Variants in ADTRP observed in about 807,000 individuals in gnomAD.
ADTRP encodes the protein androgen dependent TFPI regulating protein, also known as androgen-dependent TFPI-regulating protein.
A neutral mutation model predicts 27.0 loss-of-function variants in ADTRP; 20 were observed. The ratio of observed to expected loss-of-function variants is 0.74; its 90% CI spans 0.52 to 1.08. ADTRP has a LOEUF of 1.08. ADTRP is among the 50% of genes least tolerant of loss of function. The pLI, the probability that ADTRP is intolerant of heterozygous loss-of-function variation, is 0.00. For missense variants in ADTRP, 251 were observed against 275.0 expected (o/e 0.91, Z 0.62); for synonymous variants, 101 against 105.2 (o/e 0.96, Z 0.25).
At chr6:11,738,187 G>C (rs1246268956) in intron 3 of ADTRP, among the ~76,000 whole-genome samples, 1 of 152,198 alleles carries the variant, frequency 6.6e-6, no homozygotes, top group Non-Finnish European at 1.5e-5. Context: ...GGTGGGCCCA[G>C]GGTGGGGTGC....
intron 3 of ADTRP, among the ~76,000 whole-genome samples, chr6:11,739,129 C>T (rs1762635275): frequency 2.0e-5 from 3 of 151,988 alleles, no homozygotes; most frequent in African/African-American, 4.8e-5. Flanking sequence ...CTGCGATTGA[C>T]ACAAATTAGA....
intron 1 of ADTRP, among the ~76,000 whole-genome samples, chr6:11,776,679 T>C (rs150957450): frequency 1.4e-4 from 21 of 152,192 alleles, no homozygotes; most frequent in African/African-American, 4.6e-4. Context: ...CTTCTAAGGA[T>C]AGAGAGAACA....
chr6:11,752,492 G>A (rs1763090113), intron 3 of ADTRP, among the ~76,000 whole-genome samples: 1 of 152,132 alleles, frequency 6.6e-6, no homozygotes, highest in South Asian at 2.1e-4. Flanking sequence ...AGGGTTTCAA[G>A]GCTTAGGAAG....
intron 3 of ADTRP, among the ~76,000 whole-genome samples, chr6:11,756,363 T>A (rs1407840907): frequency 6.6e-6 from 1 of 152,070 alleles, no homozygotes; most frequent in Non-Finnish European, 1.5e-5. Flanking sequence ...AATAATTTAA[T>A]GGTACAAGGG....
intron 3 of ADTRP, among the ~76,000 whole-genome samples, chr6:11,743,813 C>T (rs1430219854): frequency 6.6e-6 from 1 of 152,192 alleles, no homozygotes; most frequent in Non-Finnish European, 1.5e-5. Context: ...CCAACCCAGA[C>T]TTGCTTCACT....
At chr6:11,764,745 CA>C (rs1335964726) in intron 3 of ADTRP, among the ~76,000 whole-genome samples, 2 of 152,044 alleles carry the variant, frequency 1.3e-5, no homozygotes, top group African/African-American at 4.8e-5. Flanking sequence ...TGGCCTCAGG[CA>C]CATCACTTAT....
chr6:11,762,878 A>T (rs931805501), intron 3 of ADTRP, among the ~76,000 whole-genome samples: 1 of 152,196 alleles, frequency 6.6e-6, no homozygotes, highest in African/African-American at 2.4e-5. Flanking sequence ...AGGATCTGAT[A>T]ATTTTCTCAG....
At chr6:11,770,176 C>T in intron 1 of ADTRP, 1 of 1,227,404 alleles carries the variant, frequency 8.1e-7, no homozygotes, top group Non-Finnish European at 1.2e-6. Context: ...CAATTATCTC[C>T]AGGTGGGAGA....
intron 3 of ADTRP, among the ~76,000 whole-genome samples, chr6:11,742,042 GGTACCTACAATCACTTAGC>G (rs1321225928): frequency 6.6e-6 from 1 of 151,710 alleles, no homozygotes; most frequent in Non-Finnish European, 1.5e-5. Context: ...TCCCTATTTT[GGTACCTACAATCACTTAGC>G]TTTTCCCTAT....
chr6:11,758,141 T>C (rs1245789593), intron 3 of ADTRP, among the ~76,000 whole-genome samples: 1 of 152,234 alleles, frequency 6.6e-6, no homozygotes, highest in Non-Finnish European at 1.5e-5. Context: ...TTTAGAAGTA[T>C]GCTCATGGCA....
At chr6:11,776,810 C>A (rs1317882088) in intron 1 of ADTRP, among the ~76,000 whole-genome samples, 1 of 152,158 alleles carries the variant, frequency 6.6e-6, no homozygotes, top group African/African-American at 2.4e-5. Context: ...GGCAGGTGAG[C>A]TCTTGAATCG....
chr6:11,717,413 A>C, intron 5 of ADTRP: 1 of 1,304,180 alleles, frequency 7.7e-7, no homozygotes, highest in Non-Finnish European at 1.0e-6. Flanking sequence ...TCTGAACAGA[A>C]ACTGCAGGCA....
At chr6:11,764,138 G>A (rs1763477146) in intron 3 of ADTRP, among the ~76,000 whole-genome samples, 1 of 152,198 alleles carries the variant, frequency 6.6e-6, no homozygotes, top group Non-Finnish European at 1.5e-5. Context: ...CAGCTTGTGA[G>A]GCACAAAAAT....
At chr6:11,771,613 G>A (rs1342947074) in intron 1 of ADTRP, among the ~76,000 whole-genome samples, 2 of 152,186 alleles carry the variant, frequency 1.3e-5, no homozygotes, top group Admixed American at 1.3e-4. Context: ...CAGACGGAGC[G>A]ATCAGGGGAG....
rs1581370770 is a variant in ADTRP, at chr6:11,770,202, A to G, written c.154-1819T>C. The G allele has an allele frequency of 2.5e-5, 23 of 918,504 alleles. 1 individual carries two copies. The East Asian group carries it at 6.0e-4, about 24-fold the overall frequency. 56.9% of individuals were successfully genotyped at this position (918,504 alleles called of 1,614,324 possible). A position where few individuals can be genotyped will look rare whatever the true frequency, so the allele number is the denominator to read the frequency against. ...AGGTGGGAGAATGAACGACCACTTCACAAACCACCGCTGCCTGGTTCCCAC... is the reference window on the plus strand; with the variant it reads ...AGGTGGGAGAATGAACGACCACTTCGCAAACCACCGCTGCCTGGTTCCCAC... On this transcript the variant is annotated intron_variant, in intron 1 of 5. Coordinates refer to ENST00000414691, the MANE Select transcript of ADTRP (RefSeq NM_032744.4).
intron 3 of ADTRP, chr6:11,738,462 C>G (rs1367282752): frequency 6.6e-6 from 1 of 152,330 alleles, no homozygotes; most frequent in Admixed American, 6.5e-5. Context: ...ACCTGCCCCT[C>G]TCTCCCAGCC....
chr6:11,777,003 T>A (rs1763976416), intron 1 of ADTRP, among the ~76,000 whole-genome samples: 1 of 152,178 alleles, frequency 6.6e-6, no homozygotes, highest in Non-Finnish European at 1.5e-5. Flanking sequence ...GATGATATGG[T>A]CATCCAGGTA....
intron 3 of ADTRP, among the ~76,000 whole-genome samples, chr6:11,758,306 G>T (rs1763278025): frequency 6.6e-6 from 1 of 152,104 alleles, no homozygotes. Context: ...AATGAATATT[G>T]GTTGTTGGGT....
chr6:11,736,811 G>A (rs774216125), intron 3 of ADTRP: 5 of 152,210 alleles, frequency 3.3e-5, no homozygotes, highest in African/African-American at 1.2e-4. Flanking sequence ...CGGAGAACAC[G>A]TTCCACCCAG....
Sources: allele counts gnomAD v4.1 joint callset (sites outside exome capture counted in the v4.1 genomes callset), GRCh38; gene constraint gnomAD v4.1.1; transcripts MANE v1.5; gene names NCBI Gene and HGNC (gene_info 2026-07-23, HGNC 2026-07-21).